Variants in NKAIN2 observed in about 807,000 individuals in gnomAD.
NKAIN2 encodes sodium/potassium transporting ATPase interacting 2.
NKAIN2 carries 14 observed loss-of-function variants against 32.6 expected under a neutral mutation model. The ratio of observed to expected loss-of-function variants is 0.43; its 90% CI spans 0.28 to 0.67. NKAIN2 has a LOEUF of 0.67. Among genes scored for constraint, NKAIN2 ranks in the 30% least tolerant of loss-of-function variants. The pLI, the probability that NKAIN2 is intolerant of heterozygous loss-of-function variation, is 0.17. For synonymous variants in NKAIN2, 80 were observed against 87.2 expected (o/e 0.92, Z 0.46); for missense variants, 198 against 258.3 (o/e 0.77, Z 1.60).
chr6:124,808,251 C>T (rs541841169), intron 5 of NKAIN2, among the ~76,000 whole-genome samples: 1 of 151,414 alleles, frequency 6.6e-6, no homozygotes, highest in East Asian at 1.9e-4. Context: ...TACTGGCAAA[C>T]TGAATCCAGC....
intron 4 of NKAIN2, among the ~76,000 whole-genome samples, chr6:124,691,492 C>A (rs199868994): frequency 1.3e-5 from 2 of 152,110 alleles, no homozygotes; most frequent in Non-Finnish European, 2.9e-5. Flanking sequence ...GTTCCTCTGC[C>A]GAGAATTCAG....
chr6:124,699,847 A>G (rs970630106), intron 4 of NKAIN2, among the ~76,000 whole-genome samples: 3 of 152,144 alleles, frequency 2.0e-5, no homozygotes, highest in Admixed American at 6.6e-5. Flanking sequence ...TACACCTTGG[A>G]AGTCACAGAT....
chr6:124,707,635 T>A (rs970240251), intron 4 of NKAIN2, among the ~76,000 whole-genome samples: 100 of 150,662 alleles, frequency 6.6e-4, no homozygotes, highest in African/African-American at 2.4e-3. Flanking sequence ...TGCATAAATG[T>A]CTTCTTTTGA....
intron 1 of NKAIN2, among the ~76,000 whole-genome samples, chr6:123,999,807 A>G (rs2114709261): frequency 6.6e-6 from 1 of 152,208 alleles, no homozygotes; most frequent in South Asian, 2.1e-4. Context: ...TTAGAGAGAG[A>G]AATGTCAGAA....
intron 3 of NKAIN2, among the ~76,000 whole-genome samples, chr6:124,515,663 ACAAACATC>A: frequency 6.6e-6 from 1 of 152,150 alleles, no homozygotes; most frequent in East Asian, 2.0e-4. Flanking sequence ...GTTTGGAAGG[ACAAACATC>A]CAAACTATAG....
chr6:124,219,248 C>CTTATTT (rs1791663516), intron 1 of NKAIN2, among the ~76,000 whole-genome samples: 1 of 150,744 alleles, frequency 6.6e-6, no homozygotes, highest in South Asian at 2.1e-4. Context: ...TGAGCAAACA[C>CTTATTT]TTATTTTTAT....
chr6:124,012,298 A>G (rs1355747895), intron 1 of NKAIN2, among the ~76,000 whole-genome samples: 1 of 147,672 alleles, frequency 6.8e-6, no homozygotes, highest in Non-Finnish European at 1.5e-5. Context: ...AAATAGAAGC[A>G]CTCTTTATTT....
chr6:124,425,459 C>A (rs554901456), intron 3 of NKAIN2, among the ~76,000 whole-genome samples: 123 of 151,884 alleles, frequency 8.1e-4, no homozygotes, highest in Admixed American at 2.2e-3. Context: ...TAGGGCTACA[C>A]CAAAATGAAG....
chr6:124,306,420 C>T (rs1796506973), intron 2 of NKAIN2, among the ~76,000 whole-genome samples: 1 of 152,102 alleles, frequency 6.6e-6, no homozygotes, highest in Non-Finnish European at 1.5e-5. Flanking sequence ...CTTTTCCCAT[C>T]TAAAAAGCAA....
intron 1 of NKAIN2, among the ~76,000 whole-genome samples, chr6:123,957,902 C>T (rs1777670037): frequency 6.6e-6 from 1 of 152,102 alleles, no homozygotes; most frequent in African/African-American, 2.4e-5. Flanking sequence ...ACTGAAATTC[C>T]AGTCAATCAC....
At chr6:124,564,418 G>T (rs574380057) in intron 3 of NKAIN2, among the ~76,000 whole-genome samples, 1 of 152,314 alleles carries the variant, frequency 6.6e-6, no homozygotes, top group African/African-American at 2.4e-5. Context: ...GGATCAATCA[G>T]CGCTCTGTAA....
In NKAIN2 at chr6:124,810,472, G is replaced by C. The variant is rs575750690; in HGVS notation, c.536-7915G>C. 1.4e-4 allele frequency among the ~76,000 whole-genome samples: 22 copies of C among 152,144 alleles called. No individual in the cohort carries two copies. The South Asian group carries it at 3.7e-3, about 26-fold the overall frequency. On this transcript the variant is annotated intron_variant, in intron 5 of 6. Transcript: ENST00000368417. ...CACAGGAAGGGGAACATCACACTCT[G>C]AGGACTGTTGTGGGGTGGGGGGAGC...
intron 4 of NKAIN2, among the ~76,000 whole-genome samples, chr6:124,767,346 A>G (rs9491230): frequency 1.6e-3 from 239 of 152,160 alleles, no homozygotes; most frequent in African/African-American, 5.2e-3. Flanking sequence ...AGACTTTTAA[A>G]TGACTGACAG....
intron 1 of NKAIN2, among the ~76,000 whole-genome samples, chr6:123,909,819 G>T (rs1775078138): frequency 6.6e-6 from 1 of 152,046 alleles, no homozygotes; most frequent in East Asian, 1.9e-4. Flanking sequence ...GGTTTCACAG[G>T]GTAGGAATTC....
At chr6:124,208,015 A>AT (rs1295923095) in intron 1 of NKAIN2, among the ~76,000 whole-genome samples, 56 of 151,836 alleles carry the variant, frequency 3.7e-4, no homozygotes, top group African/African-American at 1.3e-3. Flanking sequence ...ATGTACTTTA[A>AT]TTATTGTTAA....
At chr6:124,146,691 A>T in intron 1 of NKAIN2, among the ~76,000 whole-genome samples, 1 of 152,244 alleles carries the variant, frequency 6.6e-6, no homozygotes, top group African/African-American at 2.4e-5. Context: ...ATGAATAAAC[A>T]CACTCATATC....
intron 1 of NKAIN2, among the ~76,000 whole-genome samples, chr6:123,944,023 G>A (rs1776951153): frequency 6.6e-6 from 1 of 151,976 alleles, no homozygotes; most frequent in Non-Finnish European, 1.5e-5. Flanking sequence ...TGATTCCAAA[G>A]GGAGTCTTTG....
intron 1 of NKAIN2, among the ~76,000 whole-genome samples, chr6:124,092,633 C>A (rs996008261): frequency 3.3e-5 from 5 of 151,932 alleles, no homozygotes; most frequent in African/African-American, 1.2e-4. Flanking sequence ...GCTTAATTAA[C>A]CTCTTTTGGT....
chr6:123,811,142 TTAAC>T (rs1416453720), intron 1 of NKAIN2, among the ~76,000 whole-genome samples: 3 of 152,192 alleles, frequency 2.0e-5, no homozygotes, highest in Non-Finnish European at 4.4e-5. Context: ...AACTAGATAA[TTAAC>T]TAAATTCTTC....
Sources: gnomAD v4.1 joint callset for allele counts (sites outside exome capture counted in the v4.1 genomes callset) on GRCh38, gnomAD v4.1.1 for gene constraint, MANE v1.5 for transcripts, NCBI Gene and HGNC (gene_info 2026-07-23, HGNC 2026-07-21) for gene names.